The following RRP15 variants were observed in gnomAD, a reference collection of about 807,000 sequenced individuals.
RRP15 encodes RRP15-like protein.
RRP15 carries 18 observed loss-of-function variants against 27.1 expected under a neutral mutation model. The ratio of observed to expected loss-of-function variants is 0.66; its 90% CI spans 0.46 to 0.98. The LOEUF (loss-of-function observed/expected upper bound fraction) is 0.98, where lower values mean the gene tolerates loss of function less well. Ranked by LOEUF, RRP15 falls within the 50% of genes least tolerant of loss-of-function variation. The pLI is 0.00. For synonymous variants in RRP15, 107 were observed against 109.4 expected, an observed-to-expected ratio of 0.98 and a Z score of 0.14; for missense variants, 359 against 337.8, an observed-to-expected ratio of 1.06 and a Z score of -0.49.
At chr1:218,296,654 A>G (rs1359232849) in intron 1 of RRP15, among the ~76,000 whole-genome samples, 1 of 152,078 alleles carries the variant, frequency 6.6e-6, no homozygotes, top group East Asian at 1.9e-4. Flanking sequence ...AAAAAAAAAA[A>G]AAGGAAAAGA....
At chr1:218,307,677 T>C in intron 4 of RRP15, 45 bp downstream of exon 4, 1 of 1,295,920 alleles carries the variant, frequency 7.7e-7, no homozygotes, top group Non-Finnish European at 1.1e-6. Context: ...CTTTCAGCTC[T>C]AAAACTAGTC....
rs971780542 is a variant in RRP15, at chr1:218,330,961, CAGA to C, written c.725_727del (p.Glu242del). 8.7e-6 allele frequency: 14 copies of C among 1,610,800 alleles called. 1 individual carries two copies. Among genetic ancestry groups the C allele is most frequent in the African/African-American group, 8.0e-5 (6 of 74,830 alleles). Reference sequence around the variant, plus strand: ...AATTTTCCTTAGACTGAAGTGAAATCAGAAGAAGGCCCAGGTTGGACGATCCTA... The same window carrying C: ...AATTTTCCTTAGACTGAAGTGAAATCAGAAGGCCCAGGTTGGACGATCCTA... On this transcript the variant is annotated inframe_deletion, in exon 5 of 5. Coordinates refer to ENST00000366932, the MANE Select transcript of RRP15 (RefSeq NM_016052.4).
chr1:218,328,895 T>C (rs1470421123), intron 4 of RRP15, among the ~76,000 whole-genome samples: 1 of 152,096 alleles, frequency 6.6e-6, no homozygotes, highest in African/African-American at 2.4e-5. Flanking sequence ...TTGCCTAACA[T>C]AGAGGCTTCA....
chr1:218,308,006 A>G (rs540652163), intron 4 of RRP15, among the ~76,000 whole-genome samples: 1 of 143,838 alleles, frequency 7.0e-6, no homozygotes, highest in South Asian at 2.3e-4. Context: ...AATACTTTCT[A>G]TGACCTTTGG....
intron 3 of RRP15, among the ~76,000 whole-genome samples, chr1:218,306,432 C>T (rs1558206046): frequency 6.6e-6 from 1 of 152,066 alleles, no homozygotes; most frequent in East Asian, 1.9e-4. Flanking sequence ...GAGATGTTAC[C>T]TCATCCCTCA....
rs560455717 is a variant in RRP15, at chr1:218,319,182, AG to A, written c.705+11551del. Among the ~76,000 whole-genome samples the A allele has an allele frequency of 7.9e-4, 119 of 151,484 alleles. 1 individual carries two copies. The highest frequency in any genetic ancestry group is 3.5e-3 in the Middle Eastern group (1 of 288). ...CGGGTTCAAGTGGTTCTCCTACCTC[AG>A]CCTCCTGAGTAGCTGGGATTACAGG... On this transcript the variant is annotated intron_variant, in intron 4 of 4. Coordinates refer to ENST00000366932, the MANE Select transcript of RRP15 (RefSeq NM_016052.4).
rs142219223 is a variant in RRP15 at position 218,311,808 on chromosome 1, C to T, written c.705+4176C>T. Among the ~76,000 whole-genome samples the T allele has an allele frequency of 1.9e-3, 292 of 152,222 alleles. 2 individuals carry two copies. The highest frequency in any genetic ancestry group is 6.0e-3 in the African/African-American group (251 of 41,526). ...CTTATTTTTTATTGATATGTTGGCC[C>T]GATAGATGGCTTCCAATATTTGGAA... is the stretch of plus-strand genomic sequence containing the variant. On this transcript the variant is annotated intron_variant, in intron 4 of 4. Coordinates refer to ENST00000366932, the MANE Select transcript of RRP15 (RefSeq NM_016052.4).
chr1:218,327,914 T>A (rs1257696702), intron 4 of RRP15, among the ~76,000 whole-genome samples: 1 of 152,252 alleles, frequency 6.6e-6, no homozygotes, highest in Non-Finnish European at 1.5e-5. Context: ...GAAAAAATGT[T>A]TGTTTATGTA....
At chr1:218,312,282 CTTTTTT>C (rs538218806) in intron 4 of RRP15, among the ~76,000 whole-genome samples, 5 of 137,472 alleles carry the variant, frequency 3.6e-5, no homozygotes, top group Non-Finnish European at 6.4e-5. Flanking sequence ...TTTCTTTTTT[CTTTTTT>C]TTTTTTTTAG....
intron 4 of RRP15, among the ~76,000 whole-genome samples, chr1:218,321,370 G>A (rs1656185304): frequency 6.6e-6 from 1 of 152,190 alleles, no homozygotes. Flanking sequence ...AATCAGTGCT[G>A]CCTTGCAGCA....
At chr1:218,323,296 A>C (rs1656217630) in intron 4 of RRP15, among the ~76,000 whole-genome samples, 1 of 152,158 alleles carries the variant, frequency 6.6e-6, no homozygotes, top group African/African-American at 2.4e-5. Flanking sequence ...ATCCAGGAAG[A>C]ATGAGGTACA....
chr1:218,324,244 G>A (rs534358590), intron 4 of RRP15, among the ~76,000 whole-genome samples: 4 of 152,182 alleles, frequency 2.6e-5, no homozygotes, highest in Non-Finnish European at 4.4e-5. Flanking sequence ...CAGCTGCAGG[G>A]GAGGTGCAGG....
intron 1 of RRP15, among the ~76,000 whole-genome samples, chr1:218,286,203 G>C (rs1020780284): frequency 2.0e-5 from 3 of 152,192 alleles, no homozygotes; most frequent in African/African-American, 7.2e-5. Context: ...CCCGCTGTCT[G>C]TTTGAGATGA....
At chr1:218,288,925 C>T (rs1655591400) in intron 1 of RRP15, among the ~76,000 whole-genome samples, 1 of 152,160 alleles carries the variant, frequency 6.6e-6, no homozygotes, top group Admixed American at 6.5e-5. Context: ...CCCCTGTTCA[C>T]TCAATTGTAT....
At chr1:218,287,380 C>T (rs1158680118) in intron 1 of RRP15, among the ~76,000 whole-genome samples, 2 of 152,086 alleles carry the variant, frequency 1.3e-5, no homozygotes, top group African/African-American at 4.8e-5. Context: ...TTAAGGTTCT[C>T]TTGCTGTTAT....
Position 218,334,832 on chromosome 1 carries a change from C to A in RRP15, c.*3741C>A, listed in dbSNP as rs1413179738. 6.6e-6 allele frequency: 1 copy of A among 152,166 alleles called. No homozygotes were observed. Among genetic ancestry groups the A allele is most frequent in the Non-Finnish European group, 1.5e-5 (1 of 68,028 alleles). 9.4% of individuals were successfully genotyped at this position (152,166 alleles called of 1,614,324 possible). A position where few individuals can be genotyped will look rare whatever the true frequency, so the allele number is the denominator to read the frequency against. Reference sequence around the variant, plus strand: ...AACTACTTCGTGCCTATAAAAAGCTCTCTCACTCCTTCCCCAAGAAAACAG... The same window carrying A: ...AACTACTTCGTGCCTATAAAAAGCTATCTCACTCCTTCCCCAAGAAAACAG... On this transcript the variant is annotated 3_prime_UTR_variant, in exon 5 of 5. Transcript: ENST00000366932.
At chr1:218,287,643 T>A (rs1374063404) in intron 1 of RRP15, among the ~76,000 whole-genome samples, 2 of 152,206 alleles carry the variant, frequency 1.3e-5, no homozygotes, top group African/African-American at 4.8e-5. Context: ...TTTGGAAAGG[T>A]AAGGATGGAG....
intron 1 of RRP15, 189 bp from the exon 2 acceptor site, chr1:218,302,105 T>C: frequency 1.9e-6 from 1 of 529,068 alleles, no homozygotes. Context: ...GGGCGAGGTC[T>C]CTGGGAGCTG....
intron 1 of RRP15, among the ~76,000 whole-genome samples, chr1:218,294,664 T>A (rs1389309850): frequency 6.6e-6 from 1 of 151,962 alleles, no homozygotes; most frequent in Non-Finnish European, 1.5e-5. Flanking sequence ...TTTTTTAATG[T>A]TTTATGGAGA....
Sources: gnomAD v4.1 joint callset for allele counts (sites outside exome capture counted in the v4.1 genomes callset) on GRCh38, gnomAD v4.1.1 for gene constraint, MANE v1.5 for transcripts, NCBI Gene and HGNC (gene_info 2026-07-23, HGNC 2026-07-21) for gene names.